EYS: variants seen among roughly 807,000 people sequenced by gnomAD.
The protein encoded by EYS is protein eyes shut homolog.
A neutral mutation model predicts 282.1 loss-of-function variants in EYS; 250 were observed. The ratio of observed to expected loss-of-function variants is 0.89; its 90% CI spans 0.80 to 0.98. EYS has a LOEUF of 0.98. Ranked by LOEUF, EYS falls within the 50% of genes least tolerant of loss-of-function variation. The pLI is 0.00. For synonymous variants in EYS, 1,355 were observed against 1,282.9 expected (o/e 1.06, Z -1.20); for missense variants, 4,016 against 3,709.0 (o/e 1.08, Z -2.15).
intron 12 of EYS, among the ~76,000 whole-genome samples, chr6:65,268,518 A>T (rs977553393): frequency 6.6e-6 from 1 of 152,130 alleles, no homozygotes; most frequent in African/African-American, 2.4e-5. Context: ...ATGCAAATAA[A>T]GTCATTGATA....
At chr6:65,670,762 C>A (rs920643355) in intron 1 of EYS, among the ~76,000 whole-genome samples, 1 of 151,912 alleles carries the variant, frequency 6.6e-6, no homozygotes, top group Non-Finnish European at 1.5e-5. Context: ...AGTTTACCCT[C>A]GACACTAGAA....
chr6:63,966,107 A>T (rs948227732), intron 35 of EYS, among the ~76,000 whole-genome samples: 1 of 152,146 alleles, frequency 6.6e-6, no homozygotes, highest in African/African-American at 2.4e-5. Context: ...GCACTTAAAA[A>T]CTGGTAGATG....
intron 1 of EYS, among the ~76,000 whole-genome samples, chr6:65,673,244 G>A (rs575689078): frequency 2.7e-4 from 41 of 152,140 alleles, no homozygotes; most frequent in African/African-American, 5.3e-4. Flanking sequence ...GAGAGATAAT[G>A]GGCGATGTTT....
At chr6:65,071,089 A>G (rs1773889761) in intron 12 of EYS, among the ~76,000 whole-genome samples, 1 of 151,794 alleles carries the variant, frequency 6.6e-6, no homozygotes, top group Non-Finnish European at 1.5e-5. Flanking sequence ...ATGTTGTTTT[A>G]GTTTTTAATT....
intron 26 of EYS, among the ~76,000 whole-genome samples, chr6:64,500,492 A>C (rs2150511534): frequency 6.6e-6 from 1 of 152,226 alleles, no homozygotes; most frequent in Non-Finnish European, 1.5e-5. Context: ...TAAAAGGCTA[A>C]ATCACACATT....
At chr6:65,062,114 C>A (rs1773594210) in intron 12 of EYS, among the ~76,000 whole-genome samples, 1 of 151,898 alleles carries the variant, frequency 6.6e-6, no homozygotes, top group Non-Finnish European at 1.5e-5. Context: ...CTCTACATGA[C>A]AGACTCCCAA....
chr6:64,766,649 A>AATATATATATATATATATATATAT lies in EYS; in HGVS notation c.3443+46705_3443+46728dup, dbSNP rs70999172. ...TCCGTCTCAAAAAAAAAAAAAAAAA[A>AATATATATATATATATATATATAT]ATATATATATATATATATATATATA... On this transcript the variant is annotated intron_variant, in intron 22 of 42. Transcript: ENST00000503581. Among the ~76,000 whole-genome samples, 36 of 19,028 alleles carry AATATATATATATATATATATATAT rather than the reference A, an allele frequency of 1.9e-3. 2 individuals carry two copies. The highest frequency in any genetic ancestry group is 4.4e-3 in the South Asian group (2 of 454). 12.5% of individuals were successfully genotyped at this position (19,028 alleles called of 152,430 possible). A position where few individuals can be genotyped will look rare whatever the true frequency, so the allele number is the denominator to read the frequency against.
intron 33 of EYS, among the ~76,000 whole-genome samples, chr6:64,048,444 G>A (rs897828770): frequency 2.0e-5 from 3 of 152,086 alleles, no homozygotes; most frequent in African/African-American, 7.2e-5. Context: ...AAATGACCGT[G>A]CCTTGTCATA....
intron 35 of EYS, among the ~76,000 whole-genome samples, chr6:63,911,668 A>G (rs183640958): frequency 6.6e-6 from 1 of 152,294 alleles, no homozygotes; most frequent in African/African-American, 2.4e-5. Context: ...TTCTTTCTTC[A>G]TCTAAAGATA....
chr6:65,119,828 T>G (rs1013210927), intron 12 of EYS, among the ~76,000 whole-genome samples: 7 of 151,458 alleles, frequency 4.6e-5, no homozygotes, highest in African/African-American at 1.7e-4. Context: ...TGACACTGCA[T>G]TCCAGCCTGG....
At chr6:64,281,031 C>G (rs1391103588) in intron 30 of EYS, among the ~76,000 whole-genome samples, 1 of 152,018 alleles carries the variant, frequency 6.6e-6, no homozygotes, top group African/African-American at 2.4e-5. Context: ...ATTAACTTTT[C>G]CAGTCAAGGG....
chr6:64,353,696 C>A (rs1468955904), intron 29 of EYS, among the ~76,000 whole-genome samples: 1 of 151,588 alleles, frequency 6.6e-6, no homozygotes, highest in Non-Finnish European at 1.5e-5. Context: ...TGATCAGTTT[C>A]TTTCCTGAGA....
intron 2 of EYS, among the ~76,000 whole-genome samples, chr6:65,584,280 T>C (rs1345466042): frequency 6.6e-6 from 1 of 152,076 alleles, no homozygotes; most frequent in East Asian, 1.9e-4. Context: ...AGACATTGTT[T>C]ATATCACAAC....
intron 11 of EYS, among the ~76,000 whole-genome samples, chr6:65,326,836 A>G (rs1769635169): frequency 6.6e-6 from 1 of 151,436 alleles, no homozygotes; most frequent in African/African-American, 2.4e-5. Context: ...TCTTCATTTT[A>G]TTTTCTAAAC....
chr6:65,109,225 T>A (rs575705596), intron 12 of EYS, among the ~76,000 whole-genome samples: 1 of 152,018 alleles, frequency 6.6e-6, no homozygotes, highest in Non-Finnish European at 1.5e-5. Flanking sequence ...AAACACATGG[T>A]TATTTTAGGG....
intron 40 of EYS, among the ~76,000 whole-genome samples, chr6:63,766,980 A>T (rs937217920): frequency 6.6e-6 from 1 of 152,066 alleles, no homozygotes; most frequent in Non-Finnish European, 1.5e-5. Context: ...AAAAGCAAAA[A>T]CCATATCATG....
At chr6:65,566,757 T>C (rs1769294277) in intron 2 of EYS, among the ~76,000 whole-genome samples, 1 of 152,120 alleles carries the variant, frequency 6.6e-6, no homozygotes, top group Non-Finnish European at 1.5e-5. Flanking sequence ...GTAAGAAAAT[T>C]ATACACAATG....
intron 33 of EYS, among the ~76,000 whole-genome samples, chr6:64,001,635 A>G (rs1337787604): frequency 6.6e-6 from 1 of 152,250 alleles, no homozygotes; most frequent in African/African-American, 2.4e-5. Flanking sequence ...AGGTAAAAAA[A>G]GAAGAGTTCA....
chr6:65,559,110 T>C (rs533037507), intron 2 of EYS, among the ~76,000 whole-genome samples: 2 of 152,322 alleles, frequency 1.3e-5, no homozygotes, highest in East Asian at 1.9e-4. Context: ...CTCATGCCTG[T>C]AATCCCAACA....
Sources: gnomAD v4.1 joint callset for allele counts (sites outside exome capture counted in the v4.1 genomes callset) on GRCh38, gnomAD v4.1.1 for gene constraint, MANE v1.5 for transcripts, NCBI Gene and HGNC (gene_info 2026-07-23, HGNC 2026-07-21) for gene names.